Variants in MPDZ observed in about 807,000 individuals in gnomAD.
MPDZ encodes multiple PDZ domain crumbs cell polarity complex component.
Under a neutral mutation model 239.1 loss-of-function variants are expected in MPDZ, and 234 were observed. That is an observed-to-expected ratio of 0.98 (90% CI 0.88 to 1.09). MPDZ has a LOEUF of 1.09. Ranked by LOEUF, MPDZ falls within the 50% of genes least tolerant of loss-of-function variation. The pLI is 0.00. For missense variants in MPDZ, 3,175 were observed against 2,510.0 expected, an observed-to-expected ratio of 1.26 and a Z score of -5.66; for synonymous variants, 1,048 against 881.3, an observed-to-expected ratio of 1.19 and a Z score of -3.35.
intron 3 of MPDZ, among the ~76,000 whole-genome samples, chr9:13,228,897 T>A (rs1488542808): frequency 1.3e-5 from 2 of 152,176 alleles, no homozygotes; most frequent in African/African-American, 2.4e-5. Context: ...AAATGACTTT[T>A]TGAGAAATGC....
At chr9:13,231,573 G>A (rs1962485214) in intron 3 of MPDZ, among the ~76,000 whole-genome samples, 1 of 151,592 alleles carries the variant, frequency 6.6e-6, no homozygotes, top group Admixed American at 6.6e-5. Context: ...AATAATAATA[G>A]TAATTTTATA....
intron 23 of MPDZ, among the ~76,000 whole-genome samples, chr9:13,158,528 C>T (rs926653203): frequency 8.5e-5 from 13 of 152,126 alleles, no homozygotes; most frequent in African/African-American, 3.1e-4. Flanking sequence ...TGAACCTTGT[C>T]CTGAATGAAT....
chr9:13,264,072 G>C (rs926272225), intron 1 of MPDZ, among the ~76,000 whole-genome samples: 27 of 152,082 alleles, frequency 1.8e-4, no homozygotes, highest in African/African-American at 6.3e-4. Context: ...AATGGAGGGA[G>C]TGAAGCCTAC....
At chr9:13,184,401 T>C (rs1953808276) in intron 18 of MPDZ, among the ~76,000 whole-genome samples, 1 of 151,954 alleles carries the variant, frequency 6.6e-6, no homozygotes, top group Admixed American at 6.6e-5. Context: ...CTTGGCAAAA[T>C]TCCATATGTT....
At chr9:13,120,237 C>A (rs1944131148) in intron 38 of MPDZ, 1 of 151,708 alleles carries the variant, frequency 6.6e-6, no homozygotes, top group Non-Finnish European at 1.5e-5. Flanking sequence ...CCCATCCTTT[C>A]TTTCACAAAA....
rs1942199792 is a variant in MPDZ, at chr9:13,110,142, A to G, written c.5830-78T>C. The G allele has an allele frequency of 5.4e-6, 5 of 918,214 alleles. No homozygotes were observed. In the South Asian group the frequency reaches 7.6e-5, roughly 14 times the overall value. The allele number at this position is 918,214 out of a possible 1,614,324, so 56.9% of individuals were successfully genotyped here. On this transcript the variant is annotated intron_variant, in intron 44 of 46. Transcript: ENST00000319217. ...AAAGTAATTTTTCTTCAGAAAGAGC[A>G]CTTGGATTAAAATGTATATTTTATT...
At chr9:13,159,934 C>T (rs183372761) in intron 23 of MPDZ, among the ~76,000 whole-genome samples, 23 of 152,262 alleles carry the variant, frequency 1.5e-4, no homozygotes, top group Admixed American at 1.3e-3. Context: ...TGCTTTTCCA[C>T]TGTGTTAAAC....
chr9:13,276,208 A>G (rs114898752), intron 1 of MPDZ, among the ~76,000 whole-genome samples: 2,278 of 152,234 alleles, frequency 0.015, 59 homozygotes, highest in African/African-American at 0.052. Context: ...TACCTACTAC[A>G]TGAATACCTC....
chr9:13,246,834 T>G (rs1012041280), intron 3 of MPDZ, among the ~76,000 whole-genome samples: 1 of 152,208 alleles, frequency 6.6e-6, no homozygotes, highest in Non-Finnish European at 1.5e-5. Flanking sequence ...CTAAAGACAT[T>G]AGAATGAAAA....
At chr9:13,260,134 C>T (rs1332829975) in intron 1 of MPDZ, among the ~76,000 whole-genome samples, 1 of 151,916 alleles carries the variant, frequency 6.6e-6, no homozygotes, top group African/African-American at 2.4e-5. Flanking sequence ...GGCCACTGCA[C>T]CCAGCCATTA....
At chr9:13,116,435 C>A (rs1394480153) in intron 39 of MPDZ, among the ~76,000 whole-genome samples, 1 of 152,106 alleles carries the variant, frequency 6.6e-6, no homozygotes, top group Non-Finnish European at 1.5e-5. Context: ...ATATTGGGCA[C>A]TGATATTATT....
chr9:13,146,386 T>C (rs114011268), intron 26 of MPDZ, among the ~76,000 whole-genome samples: 1,625 of 152,216 alleles, frequency 0.011, 24 homozygotes, highest in African/African-American at 0.037. Flanking sequence ...CCTTAACATC[T>C]TAAATTCTTA....
At position 13,113,016 on chromosome 9, in the gene MPDZ, T is replaced by C. The variant is rs1201346272; in HGVS notation, c.5596A>G (p.Lys1866Glu). 2 of 1,584,878 alleles carry C rather than the reference T, an allele frequency of 1.3e-6. No homozygotes were observed. Among genetic ancestry groups the C allele is most frequent in the East Asian group, 2.3e-5 (1 of 44,290 alleles). ...GTTTTCTCTCCCCAAGTTACCTTTT[T>C]CATTTCGACTGTTCTTAATCCCTGT... Reference protein sequence around the residue: ...EIQGLRTVEMKKGPTDSLGIS... With the variant: ...EIQGLRTVEMEKGPTDSLGIS... The change falls in exon 42 of 47, where the codon AAA becomes GAA. Residue 1866 changes from lysine (K) to glutamate (E), a missense_variant. By Grantham distance (56) the Lys-to-Glu change is moderately conservative (BLOSUM62 1). Transcript: ENST00000319217.
At chr9:13,248,520 C>G (rs7042184) in intron 2 of MPDZ, among the ~76,000 whole-genome samples, 5 of 152,032 alleles carry the variant, frequency 3.3e-5, no homozygotes, top group African/African-American at 1.2e-4. Flanking sequence ...TAGTTAAAAA[C>G]CTTTCCCTGA....
At chr9:13,107,929 T>C (rs961383358) in intron 46 of MPDZ, among the ~76,000 whole-genome samples, 1 of 152,202 alleles carries the variant, frequency 6.6e-6, no homozygotes, top group African/African-American at 2.4e-5. Flanking sequence ...GGAAAAGGAC[T>C]GTATGACTCT....
intron 10 of MPDZ, among the ~76,000 whole-genome samples, chr9:13,211,486 G>C (rs1047814781): frequency 1.3e-5 from 2 of 152,018 alleles, no homozygotes; most frequent in Admixed American, 6.6e-5. Flanking sequence ...CCAGCCAAAT[G>C]AGTTTAATTG....
In MPDZ at chr9:13,223,674, G is replaced by C; in HGVS notation, c.430C>G (p.Pro144Ala). Residue 144 changes from proline to alanine, a missense_variant, in exon 5 of 47, where the codon CCA becomes GCA. Physicochemically the swap from Pro to Ala is conservative, Grantham distance 27. Transcript: ENST00000319217. ...HVEVFELLKP[P>A]SGGLGFSVVG... is the part of the protein sequence containing the mutation. ...ACACTAAACCCAAGGCCTCCAGATGGAGGTTTGAGGAGCTCAAAAACTTCT... is the reference window on the plus strand; with the variant it reads ...ACACTAAACCCAAGGCCTCCAGATGCAGGTTTGAGGAGCTCAAAAACTTCT... The C allele has an allele frequency of 1.2e-6, 2 of 1,610,046 alleles. No individual in the cohort carries two copies. Among genetic ancestry groups the C allele is most frequent in the South Asian group, 1.1e-5 (1 of 90,694 alleles).
intron 8 of MPDZ, 22 bp from the exon 9 acceptor site, chr9:13,217,316 T>C (rs372964741): frequency 4.7e-5 from 66 of 1,409,740 alleles, no homozygotes; most frequent in South Asian, 2.9e-4. Flanking sequence ...TCAATAAATA[T>C]ACAGTGAAAT....
intron 3 of MPDZ, among the ~76,000 whole-genome samples, chr9:13,238,946 T>C (rs1010186692): frequency 3.3e-5 from 5 of 152,174 alleles, no homozygotes; most frequent in Non-Finnish European, 4.4e-5. Context: ...TAAATAAATA[T>C]TTAAAACACT....
Sources: gnomAD v4.1 joint callset for allele counts (sites outside exome capture counted in the v4.1 genomes callset) on GRCh38, gnomAD v4.1.1 for gene constraint, MANE v1.5 for transcripts, NCBI Gene and HGNC (gene_info 2026-07-23, HGNC 2026-07-21) for gene names.